ALK: variants seen among roughly 807,000 people sequenced by gnomAD.
The protein encoded by ALK is ALK receptor tyrosine kinase.
Under a neutral mutation model 163.1 loss-of-function variants are expected in ALK, and 74 were observed. The ratio of observed to expected loss-of-function variants is 0.45; its 90% CI spans 0.38 to 0.55. The LOEUF (loss-of-function observed/expected upper bound fraction) is 0.55, where lower values mean the gene tolerates loss of function less well. Among genes scored for constraint, ALK ranks in the 20% least tolerant of loss-of-function variants. ALK has a pLI of 0.00. For missense variants in ALK, 2,063 were observed against 2,105.3 expected (o/e 0.98, Z 0.39); for synonymous variants, 960 against 843.2 (o/e 1.14, Z -2.40).
intron 1 of ALK, among the ~76,000 whole-genome samples, chr2:29,768,916 C>T (rs1175016914): frequency 6.6e-6 from 1 of 152,024 alleles, no homozygotes; most frequent in Non-Finnish European, 1.5e-5. Flanking sequence ...TCACTGCAGC[C>T]TTGACTTCCT....
Position 29,275,236 on chromosome 2 carries a change from G to C in ALK, c.1913-9C>G. Reference sequence around the variant, plus strand: ...CTTGTCCTCTCCGCTAACTGCAATAGAGAAGACCCCACGGGCTGAGTTAGG... The same window carrying C: ...CTTGTCCTCTCCGCTAACTGCAATACAGAAGACCCCACGGGCTGAGTTAGG... On this transcript the variant is annotated splice_polypyrimidine_tract_variant and intron_variant, in intron 10 of 28. Coordinates refer to ENST00000389048, the MANE Select transcript of ALK (RefSeq NM_004304.5). 6.2e-7 allele frequency: 1 copy of C among 1,614,086 alleles called. No homozygotes were observed. Among genetic ancestry groups the C allele is most frequent in the African/African-American group, 1.3e-5 (1 of 75,040 alleles).
chr2:29,498,917 G>A (rs1404218218), intron 4 of ALK, among the ~76,000 whole-genome samples: 1 of 152,170 alleles, frequency 6.6e-6, no homozygotes, highest in Non-Finnish European at 1.5e-5. Flanking sequence ...CAGGAGTATA[G>A]CATTTGGAAG....
intron 1 of ALK, among the ~76,000 whole-genome samples, chr2:29,855,240 ATAT>A (rs993225647): frequency 6.6e-6 from 1 of 152,174 alleles, no homozygotes; most frequent in African/African-American, 2.4e-5. Context: ...CCCTATGGCA[ATAT>A]TATTATTATT....
intron 9 of ALK, among the ~76,000 whole-genome samples, chr2:29,284,508 A>G (rs1465270797): frequency 6.6e-6 from 1 of 152,222 alleles, no homozygotes; most frequent in Non-Finnish European, 1.5e-5. Context: ...TGTGGATGTT[A>G]CCAAGAAAAT....
chr2:29,906,415 A>G (rs1327807693), intron 1 of ALK, among the ~76,000 whole-genome samples: 1 of 152,172 alleles, frequency 6.6e-6, no homozygotes, highest in Non-Finnish European at 1.5e-5. Flanking sequence ...TGAATTAATG[A>G]TTTTTTAAAG....
At chr2:29,760,299 A>G (rs1039192526) in intron 1 of ALK, among the ~76,000 whole-genome samples, 1 of 152,118 alleles carries the variant, frequency 6.6e-6, no homozygotes, top group African/African-American at 2.4e-5. Flanking sequence ...TCTGGTGCCA[A>G]CACTTACTAA....
At chr2:29,732,475 G>C (rs1679772325) in intron 1 of ALK, among the ~76,000 whole-genome samples, 1 of 152,240 alleles carries the variant, frequency 6.6e-6, no homozygotes, top group African/African-American at 2.4e-5. Context: ...TTTCCTGCCT[G>C]AGGTAAATAG....
chr2:29,492,253 G>T (rs1671919854), intron 4 of ALK, among the ~76,000 whole-genome samples: 1 of 151,948 alleles, frequency 6.6e-6, no homozygotes, highest in South Asian at 2.1e-4. Flanking sequence ...TTATCTTTAG[G>T]CTGTGTCTTG....
intron 3 of ALK, among the ~76,000 whole-genome samples, chr2:29,617,894 C>G (rs1675901385): frequency 6.6e-6 from 1 of 152,148 alleles, no homozygotes; most frequent in African/African-American, 2.4e-5. Flanking sequence ...AATTTTCTAC[C>G]TAGTTCCTGG....
At chr2:29,363,035 A>G (rs761642641) in intron 5 of ALK, among the ~76,000 whole-genome samples, 20 of 152,206 alleles carry the variant, frequency 1.3e-4, no homozygotes, top group African/African-American at 4.1e-4. Context: ...ATCAACATCC[A>G]TGACTTGCCT....
intron 9 of ALK, among the ~76,000 whole-genome samples, chr2:29,285,777 G>A (rs905545372): frequency 2.0e-5 from 3 of 147,842 alleles, no homozygotes; most frequent in African/African-American, 7.5e-5. Context: ...TGGCCAGGCT[G>A]GTCTTGAACT....
At chr2:29,630,202 A>G (rs1356290704) in intron 3 of ALK, among the ~76,000 whole-genome samples, 2 of 152,110 alleles carry the variant, frequency 1.3e-5, no homozygotes, top group African/African-American at 4.8e-5. Flanking sequence ...ATGAATAGGA[A>G]GGTGCCCAAA....
intron 1 of ALK, among the ~76,000 whole-genome samples, chr2:29,846,498 C>T (rs999928757): frequency 9.2e-5 from 14 of 152,310 alleles, no homozygotes; most frequent in African/African-American, 3.1e-4. Flanking sequence ...GAGCCTGGCA[C>T]GCAGCAGGCA....
At chr2:29,523,891 T>TTTTG (rs1325467738) in intron 4 of ALK, among the ~76,000 whole-genome samples, 3 of 113,094 alleles carry the variant, frequency 2.7e-5, no homozygotes, top group Non-Finnish European at 3.6e-5. Context: ...TTTTTTTTTT[T>TTTTG]ATGCCCATCA....
At chr2:29,766,708 G>A (rs1322090844) in intron 1 of ALK, among the ~76,000 whole-genome samples, 25 of 152,178 alleles carry the variant, frequency 1.6e-4, no homozygotes, top group Admixed American at 1.6e-3. Context: ...TATCAGGCCT[G>A]GAGCAAAGCT....
intron 1 of ALK, among the ~76,000 whole-genome samples, chr2:29,864,720 T>TC (rs1666382077): frequency 6.6e-6 from 1 of 152,174 alleles, no homozygotes; most frequent in African/African-American, 2.4e-5. Context: ...AAGAGTTAAA[T>TC]CTATTGAATG....
chr2:29,330,695 A>G (rs1418833166), intron 5 of ALK, among the ~76,000 whole-genome samples: 2 of 152,022 alleles, frequency 1.3e-5, no homozygotes, highest in Non-Finnish European at 2.9e-5. Context: ...AACCTGGAAT[A>G]TCTAGGGTTG....
intron 5 of ALK, among the ~76,000 whole-genome samples, chr2:29,340,259 A>G (rs1667750967): frequency 6.6e-6 from 1 of 152,222 alleles, no homozygotes; most frequent in Non-Finnish European, 1.5e-5. Flanking sequence ...GAGAACTAGT[A>G]CTAATCATAA....
At chr2:29,806,491 C>T (rs1664621684) in intron 1 of ALK, among the ~76,000 whole-genome samples, 1 of 152,206 alleles carries the variant, frequency 6.6e-6, no homozygotes, top group Admixed American at 6.5e-5. Context: ...GAGCCGCCAG[C>T]TGATGTGGGC....
Sources: allele counts gnomAD v4.1 joint callset (sites outside exome capture counted in the v4.1 genomes callset), GRCh38; gene constraint gnomAD v4.1.1; transcripts MANE v1.5; gene names NCBI Gene and HGNC (gene_info 2026-07-23, HGNC 2026-07-21).